Variants in OR10A2 observed in about 807,000 individuals in gnomAD.
The protein encoded by OR10A2 is olfactory receptor 10A2.
A neutral mutation model predicts 13.7 loss-of-function variants in OR10A2; 15 were observed. The observed-to-expected ratio is 1.10, with a 90% CI of 0.73 to 1.69. The LOEUF (loss-of-function observed/expected upper bound fraction) is 1.69. OR10A2 is among the 40% of genes most tolerant of loss of function. OR10A2 has a pLI of 0.00. For missense variants in OR10A2, 343 were observed against 361.1 expected (o/e 0.95, Z 0.41); for synonymous variants, 145 against 144.7 (o/e 1.00, Z -0.02).
chr11:6,867,081 C>G (rs1042618811), intron 1 of OR10A2, among the ~76,000 whole-genome samples: 4 of 152,128 alleles, frequency 2.6e-5, no homozygotes, highest in South Asian at 2.1e-4. Flanking sequence ...CTAATTGACT[C>G]AGTTTTCTTA....
At position 6,867,082 on chromosome 11, in the gene OR10A2, A is replaced by C. The variant is rs140227505; in HGVS notation, c.-132-2541A>C. ...TTCAAATTTGTATTCTAATTGACTC[A>C]GTTTTCTTAAGTTTCTGGCATTTTG... is the stretch of plus-strand genomic sequence containing the variant. On this transcript the variant is annotated intron_variant, in intron 1 of 1. Transcript: ENST00000641461. 1.4e-4 allele frequency among the ~76,000 whole-genome samples: 22 copies of C among 152,122 alleles called. No homozygotes were observed. In the East Asian group the frequency reaches 4.0e-3, roughly 28 times the overall value.
Position 6,871,677 on chromosome 11 carries a change from T to C in OR10A2, c.*1011T>C, listed in dbSNP as rs978040538. 6.6e-6 allele frequency: 1 copy of C among 152,218 alleles called. No individual in the cohort carries two copies. The highest frequency in any genetic ancestry group is 1.5e-5 in the Non-Finnish European group (1 of 68,030). 9.4% of individuals were successfully genotyped at this position (152,218 alleles called of 1,614,324 possible). On this transcript the variant is annotated 3_prime_UTR_variant, in exon 2 of 2. Transcript: ENST00000641461. The stretch of plus-strand genomic sequence containing the variant: ...GAAGTAATATCGTAAATTTCAGTCA[T>C]AGCTTTGCTTTGATGAGAACAAAGC...
chr11:6,869,800 C>G lies in OR10A2; in HGVS notation c.46C>G (p.Leu16Val). ...LPTEIQSLLFLTFLTIYLVTL... is the reference protein window; with the variant it reads ...LPTEIQSLLFVTFLTIYLVTL... The stretch of plus-strand genomic sequence containing the variant: ...TACTGAAATACAGTCATTACTCTTT[C>G]TGACATTTCTAACCATCTACCTGGT... Residue 16 changes from leucine to valine, a missense_variant, in exon 2 of 2, where the codon CTG (leucine) becomes GTG (valine). Physicochemically the swap from Leu to Val is conservative, Grantham distance 32. Coordinates refer to ENST00000641461, the MANE Select transcript of OR10A2 (RefSeq NM_001004460.2). 1 of 1,614,170 alleles carries G rather than the reference C, an allele frequency of 6.2e-7. No individual in the cohort carries two copies.
rs532677982 is a variant in OR10A2, at chr11:6,873,980, A to C, written c.*3314A>C. 2.0e-5 allele frequency: 3 copies of C among 152,306 alleles called. No individual in the cohort carries two copies. The East Asian group carries it at 5.8e-4, about 29-fold the overall frequency. 9.4% of individuals were successfully genotyped at this position (152,306 alleles called of 1,614,324 possible). On this transcript the variant is annotated 3_prime_UTR_variant, in exon 2 of 2. Transcript: ENST00000641461. Reference sequence around the variant, plus strand: ...TCAAATTTGGGGCACAAATTAAAGGATTATATCCCAGTTCCTGGCTTGTAC... The same window carrying C: ...TCAAATTTGGGGCACAAATTAAAGGCTTATATCCCAGTTCCTGGCTTGTAC...
At chr11:6,864,714 A>C (rs146600941) in intron 1 of OR10A2, among the ~76,000 whole-genome samples, 2 of 152,092 alleles carry the variant, frequency 1.3e-5, no homozygotes, top group Non-Finnish European at 2.9e-5. Context: ...GCAAGCAAAA[A>C]GAACTCTGTT....
rs988452180 is a variant in OR10A2, at chr11:6,869,668, A to G, written c.-87A>G. ...AAATTGAGAATCTGACTTCCAATCA[A>G]TAATCTTTCTCCATGACCACAGTTG... On this transcript the variant is annotated 5_prime_UTR_variant, in exon 2 of 2. Coordinates refer to ENST00000641461, the MANE Select transcript of OR10A2 (RefSeq NM_001004460.2). 3 of 1,141,912 alleles carry G rather than the reference A, an allele frequency of 2.6e-6. No homozygotes were observed. The highest frequency in any genetic ancestry group is 1.4e-5 in the South Asian group (1 of 70,418). 70.7% of individuals were successfully genotyped at this position (1,141,912 alleles called of 1,614,324 possible).
chr11:6,867,688 T>C (rs924689878), intron 1 of OR10A2, among the ~76,000 whole-genome samples: 6 of 152,206 alleles, frequency 3.9e-5, no homozygotes, highest in African/African-American at 1.4e-4. Flanking sequence ...ACCTTTTCTG[T>C]TTACTTATGG....
rs1848426622 is a variant in OR10A2, at chr11:6,870,811, G to A, written c.*145G>A. The stretch of plus-strand genomic sequence containing the variant: ...TGGAAAGCTGAGTGGAGAGAAAGGA[G>A]CAGAGAAGTAGTTTCGACCTAGCAC... On this transcript the variant is annotated 3_prime_UTR_variant, in exon 2 of 2. Transcript: ENST00000641461. The A allele has an allele frequency of 1.5e-6, 1 of 647,376 alleles. No homozygotes were observed. Among genetic ancestry groups the A allele is most frequent in the South Asian group, 2.4e-5 (1 of 41,124 alleles). The allele number at this position is 647,376 out of a possible 1,614,324, so 40.1% of individuals were successfully genotyped here.
rs539266115 is a variant in OR10A2, at chr11:6,870,769, G to C, written c.*103G>C. On this transcript the variant is annotated 3_prime_UTR_variant, in exon 2 of 2. Transcript: ENST00000641461. The stretch of plus-strand genomic sequence containing the variant: ...CACATCTCCAATAAGATGAAGTCCT[G>C]TTGCTGAAATGGCTTTTGGAAAGCT... 1.8e-5 allele frequency: 18 copies of C among 1,004,582 alleles called. No individual in the cohort carries two copies. In the East Asian group the frequency reaches 4.2e-4, roughly 23 times the overall value. The allele number at this position is 1,004,582 out of a possible 1,614,324, so 62.2% of individuals were successfully genotyped here.
chr11:6,868,525 C>T (rs143671581), intron 1 of OR10A2, among the ~76,000 whole-genome samples: 2 of 152,214 alleles, frequency 1.3e-5, no homozygotes, highest in Non-Finnish European at 2.9e-5. Context: ...TGAATCTCCT[C>T]ATCTATAAAA....
intron 1 of OR10A2, among the ~76,000 whole-genome samples, chr11:6,868,207 G>A (rs1848395296): frequency 6.6e-6 from 1 of 152,140 alleles, no homozygotes; most frequent in Admixed American, 6.5e-5. Context: ...AGATCAGTTT[G>A]ATTATAATTC....
In OR10A2 at chr11:6,873,016, C is replaced by A. The variant is rs530508126; in HGVS notation, c.*2350C>A. On this transcript the variant is annotated 3_prime_UTR_variant, in exon 2 of 2. Transcript: ENST00000641461. ...TTTTTTGTATTTTTTAGTAGAGATG[C>A]AGTTTTACCATGTTGGAGCTCCTGG... is the stretch of plus-strand genomic sequence containing the variant. 2 of 151,056 alleles carry A rather than the reference C, an allele frequency of 1.3e-5. No individual in the cohort carries two copies. Among genetic ancestry groups the A allele is most frequent in the East Asian group, 3.9e-4 (2 of 5,110 alleles). 9.4% of individuals were successfully genotyped at this position (151,056 alleles called of 1,614,324 possible). A position where few individuals can be genotyped will look rare whatever the true frequency, so the allele number is the denominator to read the frequency against.
chr11:6,865,050 C>A (rs1310805921), intron 1 of OR10A2, among the ~76,000 whole-genome samples: 2 of 141,884 alleles, frequency 1.4e-5, no homozygotes, highest in Admixed American at 7.1e-5. Flanking sequence ...CATTTATGTT[C>A]ATCTTAAAAT....
Position 6,874,440 on chromosome 11 carries a change from T to C in OR10A2, c.*3774T>C, listed in dbSNP as rs1472566247. 6.6e-6 allele frequency: 1 copy of C among 152,254 alleles called. No individual in the cohort carries two copies. The highest frequency in any genetic ancestry group is 2.4e-5 in the African/African-American group (1 of 41,472). The allele number at this position is 152,254 out of a possible 1,614,324, so 9.4% of individuals were successfully genotyped here. On this transcript the variant is annotated 3_prime_UTR_variant, in exon 2 of 2. Coordinates refer to ENST00000641461, the MANE Select transcript of OR10A2 (RefSeq NM_001004460.2). The stretch of plus-strand genomic sequence containing the variant: ...ATGTTACTAATATATTGAAATTTTC[T>C]GCCCATCTTTAGAAATTGTGTTGCT...
chr11:6,874,226 A>ACC lies in OR10A2; in HGVS notation c.*3560_*3561insCC, dbSNP rs1186265033. 6 of 152,040 alleles carry ACC rather than the reference A, an allele frequency of 3.9e-5. No individual in the cohort carries two copies. The highest frequency in any genetic ancestry group is 1.2e-4 in the African/African-American group (5 of 41,398). The allele number at this position is 152,040 out of a possible 1,614,324, so 9.4% of individuals were successfully genotyped here. A position where few individuals can be genotyped will look rare whatever the true frequency, so the allele number is the denominator to read the frequency against. On this transcript the variant is annotated 3_prime_UTR_variant, in exon 2 of 2. Coordinates refer to ENST00000641461, the MANE Select transcript of OR10A2 (RefSeq NM_001004460.2). ...AGATGTTTCCCTGATTATTTACCAC[A>ACC]TTTTCTTCATTATCTATTAAATTAT...
At chr11:6,864,574 T>C (rs1484559269) in intron 1 of OR10A2, among the ~76,000 whole-genome samples, 3 of 151,926 alleles carry the variant, frequency 2.0e-5, no homozygotes, top group Non-Finnish European at 2.9e-5. Context: ...TAGAGGAAAA[T>C]AGAGAAGATG....
chr11:6,870,480 A>T lies in OR10A2; in HGVS notation c.726A>T (p.Leu242Phe), dbSNP rs1207028497. The T allele has an allele frequency of 1.9e-6, 3 of 1,614,034 alleles. No homozygotes were observed. The highest frequency in any genetic ancestry group is 1.1e-5 in the South Asian group (1 of 91,084). Residue 242 changes from leucine to phenylalanine, a missense_variant, in exon 2 of 2, where the codon TTA (leucine) becomes TTT (phenylalanine). Leu to Phe is a conservative substitution (Grantham distance 22). Coordinates refer to ENST00000641461, the MANE Select transcript of OR10A2 (RefSeq NM_001004460.2). ...TTGTCTCTCTTTTCTATATATCATT[A>T]AGCCTCACCTACTTCCGGCCTAAAT... ...LLVVSLFYIS[L>F]SLTYFRPKSN...
In OR10A2 at chr11:6,869,954, A is replaced by G. The variant is rs1179013315; in HGVS notation, c.200A>G (p.Lys67Arg). The G allele has an allele frequency of 6.2e-7, 1 of 1,614,138 alleles. No individual in the cohort carries two copies. Among genetic ancestry groups the G allele is most frequent in the Admixed American group, 1.7e-5 (1 of 60,022 alleles). Residue 67 changes from lysine (K) to arginine (R), a missense_variant, in exon 2 of 2, where the codon AAA becomes AGA. By Grantham distance (26) the Lys-to-Arg change is conservative. Transcript: ENST00000641461. ...EIGFNLVIVP[K>R]MLGTLLAQDT... is the part of the protein sequence containing the mutation. ...GGCTTCAACCTAGTCATTGTGCCCAAAATGCTGGGGACCCTGCTTGCCCAG... is the reference window on the plus strand; with the variant it reads ...GGCTTCAACCTAGTCATTGTGCCCAGAATGCTGGGGACCCTGCTTGCCCAG...
rs918734738 is a variant in OR10A2 at position 6,871,649 on chromosome 11, G to A, written c.*983G>A. 2.0e-5 allele frequency: 3 copies of A among 152,048 alleles called. No individual in the cohort carries two copies. Among genetic ancestry groups the A allele is most frequent in the Non-Finnish European group, 4.4e-5 (3 of 68,026 alleles). 9.4% of individuals were successfully genotyped at this position (152,048 alleles called of 1,614,324 possible). On this transcript the variant is annotated 3_prime_UTR_variant, in exon 2 of 2. Transcript: ENST00000641461. ...TTCCATATTCAGGTTCTTATGTTTT[G>A]TTGAAGTAATATCGTAAATTTCAGT...
Sources: allele counts gnomAD v4.1 joint callset (sites outside exome capture counted in the v4.1 genomes callset), GRCh38; gene constraint gnomAD v4.1.1; transcripts MANE v1.5; gene names NCBI Gene and HGNC (gene_info 2026-07-23, HGNC 2026-07-21).